Variants in UBE2D3 observed in about 807,000 individuals in gnomAD.
UBE2D3 encodes the protein ubiquitin conjugating enzyme E2 D3.
Under a neutral mutation model 22.8 loss-of-function variants are expected in UBE2D3, and 2 were observed. The ratio of observed to expected loss-of-function variants is 0.09; its 90% CI spans 0.04 to 0.28. The LOEUF (loss-of-function observed/expected upper bound fraction) is 0.28. Among genes scored for constraint, UBE2D3 ranks in the 10% least tolerant of loss-of-function variants. UBE2D3 has a pLI of 1.00. For synonymous variants in UBE2D3, 56 were observed against 60.4 expected (o/e 0.93, Z 0.34); for missense variants, 27 against 182.5 (o/e 0.15, Z 4.91).
rs929730844 is a variant in UBE2D3 at position 102,800,882 on chromosome 4, G to A, written c.304+572C>T. ...CACCTGGGATATTCATGCGGAGACCGGAAAACTTGTTACATATAACGTAAC... is the reference window on the plus strand; with the variant it reads ...CACCTGGGATATTCATGCGGAGACCAGAAAACTTGTTACATATAACGTAAC... On this transcript the variant is annotated intron_variant, in intron 6 of 7. Transcript: ENST00000453744. Among the ~76,000 whole-genome samples the A allele has an allele frequency of 2.6e-5, 4 of 151,968 alleles. No homozygotes were observed. The East Asian group carries it at 5.8e-4, about 22-fold the overall frequency.
At chr4:102,837,898 G>C (rs897646061) in intron 1 of UBE2D3, among the ~76,000 whole-genome samples, 1 of 152,172 alleles carries the variant, frequency 6.6e-6, no homozygotes, top group Middle Eastern at 3.2e-3. Flanking sequence ...AGCTTGCAGT[G>C]AGCCGAGATT....
upstream of UBE2D3, among the ~76,000 whole-genome samples, chr4:102,829,292 A>G (rs1049915722): frequency 6.6e-5 from 10 of 152,152 alleles, no homozygotes; most frequent in African/African-American, 2.4e-4. Context: ...CTCATGGCCT[A>G]ACTGCTCATG....
intron 1 of UBE2D3, 62 bp downstream of exon 1, chr4:102,827,365 T>C: frequency 1.0e-6 from 1 of 985,286 alleles, no homozygotes; most frequent in Non-Finnish European, 1.2e-6. Flanking sequence ...CTGCCCCTCT[T>C]ACCCGGCCGG....
chr4:102,808,771 C>T (rs1042836621), intron 4 of UBE2D3, among the ~76,000 whole-genome samples: 2 of 152,108 alleles, frequency 1.3e-5, no homozygotes, highest in African/African-American at 4.8e-5. Flanking sequence ...ACAGTATGTA[C>T]TCACATTTGA....
chr4:102,798,281 TATATATATATATATATGCACAGGAGA>T (rs1490951327), intron 7 of UBE2D3, among the ~76,000 whole-genome samples: 2 of 142,674 alleles, frequency 1.4e-5, no homozygotes, highest in African/African-American at 5.4e-5. Flanking sequence ...AAGAAATGAA[TATATATATATATATATGCACAGGAGA>T]ATTTTTATAT....
chr4:102,832,667 T>C (rs1433087158), intron 1 of UBE2D3, among the ~76,000 whole-genome samples: 7 of 152,066 alleles, frequency 4.6e-5, no homozygotes, highest in South Asian at 2.1e-4. Context: ...CTAAAAAATA[T>C]TTGGGGGCGG....
chr4:102,849,939 A>T (rs559883635), intron 1 of UBE2D3, among the ~76,000 whole-genome samples: 13 of 152,304 alleles, frequency 8.5e-5, no homozygotes, highest in African/African-American at 2.4e-4. Flanking sequence ...CTTTAATCCT[A>T]AGTATATACT....
chr4:102,850,628 T>G (rs1014818770), intron 1 of UBE2D3, among the ~76,000 whole-genome samples: 11 of 152,214 alleles, frequency 7.2e-5, no homozygotes, highest in Non-Finnish European at 4.4e-5. Flanking sequence ...CGGTCAGACT[T>G]GTATCTACCT....
chr4:102,802,669 T>C (rs1283897484), intron 4 of UBE2D3, 31 bp from the exon 5 acceptor site: 2 of 1,513,220 alleles, frequency 1.3e-6, no homozygotes, highest in African/African-American at 2.8e-5. Flanking sequence ...TTAACTCAAA[T>C]TTAAAATATT....
chr4:102,824,030 A>G (rs1730047989), intron 2 of UBE2D3, among the ~76,000 whole-genome samples: 1 of 152,204 alleles, frequency 6.6e-6, no homozygotes, highest in South Asian at 2.1e-4. Context: ...TCCAGTTCAG[A>G]GCTGTCCACT....
chr4:102,822,623 C>G (rs72931864), intron 2 of UBE2D3, among the ~76,000 whole-genome samples: 265 of 152,268 alleles, frequency 1.7e-3, no homozygotes, highest in African/African-American at 6.2e-3. Flanking sequence ...AAACTAAAAT[C>G]ACATACATTA....
At chr4:102,844,976 C>T (rs911742742) in intron 1 of UBE2D3, among the ~76,000 whole-genome samples, 18 of 144,344 alleles carry the variant, frequency 1.2e-4, no homozygotes, top group South Asian at 4.3e-4. Context: ...GAGCCGAGAT[C>T]GCGCCACTGC....
rs1560853459 is a variant in UBE2D3, at chr4:102,809,713, G to GC, written c.89-11_89-10insG. The GC allele has an allele frequency of 6.2e-7, 1 of 1,610,164 alleles. No individual in the cohort carries two copies. Among genetic ancestry groups the GC allele is most frequent in the Admixed American group, 1.7e-5 (1 of 59,306 alleles). ...GCTTGCCAATGAAACACTAGAAAAAGAAAAAAAACTCTGGTTATCTAAAAA... is the reference window on the plus strand; with the variant it reads ...GCTTGCCAATGAAACACTAGAAAAAGCAAAAAAAACTCTGGTTATCTAAAAA... On this transcript the variant is annotated splice_polypyrimidine_tract_variant and intron_variant, in intron 3 of 7. Transcript: ENST00000453744.
chr4:102,868,777 CT>C (rs1315650205), exon 1 of UBE2D3: 1 of 1,613,922 alleles, frequency 6.2e-7, no homozygotes, highest in African/African-American at 1.3e-5. Context: ...ACACAGTATC[CT>C]TTCTGCTGGT....
intron 2 of UBE2D3, among the ~76,000 whole-genome samples, chr4:102,815,720 CCTTA>C (rs1415647425): frequency 2.0e-5 from 3 of 152,116 alleles, no homozygotes; most frequent in African/African-American, 7.2e-5. Flanking sequence ...TTTCTAAATG[CCTTA>C]CTTTCGAAGT....
At chr4:102,802,889 G>T (rs551192686) in intron 4 of UBE2D3, among the ~76,000 whole-genome samples, 2 of 152,046 alleles carry the variant, frequency 1.3e-5, no homozygotes, top group Non-Finnish European at 2.9e-5. Context: ...ATCCAGAAAC[G>T]CAAGTATTCT....
At chr4:102,832,515 G>C (rs1412018012), upstream of UBE2D3, among the ~76,000 whole-genome samples, 1 of 152,162 alleles carries the variant, frequency 6.6e-6, no homozygotes. Flanking sequence ...CCCAAAGTAT[G>C]TATTGGGATG....
At chr4:102,846,528 A>G (rs1282140107) in intron 1 of UBE2D3, among the ~76,000 whole-genome samples, 1 of 152,212 alleles carries the variant, frequency 6.6e-6, no homozygotes, top group Non-Finnish European at 1.5e-5. Context: ...TAAAATGGCA[A>G]GGCCTTTAGT....
At chr4:102,810,779 ATAGT>A (rs1727843488) in intron 2 of UBE2D3, 1 of 152,176 alleles carries the variant, frequency 6.6e-6, no homozygotes, top group Non-Finnish European at 1.5e-5. Context: ...CTATGAAAAT[ATAGT>A]TTATTAGAAT....
Sources: gnomAD v4.1 joint callset for allele counts (sites outside exome capture counted in the v4.1 genomes callset) on GRCh38, gnomAD v4.1.1 for gene constraint, MANE v1.5 for transcripts, NCBI Gene and HGNC (gene_info 2026-07-23, HGNC 2026-07-21) for gene names.